The following PHACTR1 variants were observed in gnomAD, a reference collection of about 807,000 sequenced individuals.
PHACTR1 encodes RPEL repeat containing 1.
A neutral mutation model predicts 69.2 loss-of-function variants in PHACTR1; 16 were observed. That is an observed-to-expected ratio of 0.23 (90% CI 0.16 to 0.35). The LOEUF is 0.35. Ranked by LOEUF, PHACTR1 falls within the 10% of genes least tolerant of loss-of-function variation. PHACTR1 has a pLI of 1.00. For synonymous variants in PHACTR1, 312 were observed against 284.5 expected (o/e 1.10, Z -0.97); for missense variants, 510 against 734.7 (o/e 0.69, Z 3.54).
At chr6:12,868,721 A>C (rs1781726862) in intron 4 of PHACTR1, among the ~76,000 whole-genome samples, 1 of 152,202 alleles carries the variant, frequency 6.6e-6, no homozygotes, top group South Asian at 2.1e-4. Context: ...GCCTTTCCCC[A>C]GAGGATCATA....
chr6:13,014,263 C>T (rs564832890), intron 4 of PHACTR1, among the ~76,000 whole-genome samples: 3 of 152,272 alleles, frequency 2.0e-5, no homozygotes, highest in East Asian at 3.9e-4. Flanking sequence ...GACATCCGCA[C>T]TCCACCCAGA....
At chr6:12,923,493 A>G (rs1173666970) in intron 4 of PHACTR1, among the ~76,000 whole-genome samples, 1 of 152,238 alleles carries the variant, frequency 6.6e-6, no homozygotes, top group African/African-American at 2.4e-5. Context: ...CTTCTGCAGC[A>G]TGATCCAAAA....
chr6:13,284,543 A>AAAATATATAT lies in PHACTR1; in HGVS notation c.1650+982_1650+983insAATATATATA, dbSNP rs1554187813. 8.1e-5 allele frequency among the ~76,000 whole-genome samples: 5 copies of AAAATATATAT among 61,354 alleles called. 1 individual carries two copies. The highest frequency in any genetic ancestry group is 4.3e-4 in the African/African-American group (4 of 9,400). 40.3% of individuals were successfully genotyped at this position (61,354 alleles called of 152,430 possible). A position where few individuals can be genotyped will look rare whatever the true frequency, so the allele number is the denominator to read the frequency against. On this transcript the variant is annotated intron_variant, in intron 13 of 14. Coordinates refer to ENST00000332995, the MANE Select transcript of PHACTR1 (RefSeq NM_030948.6). ...AAAAAAAAAAAAAAAAAAAAAAAAA[A>AAAATATATAT]ATATATATATATATATATATATATA... is the stretch of plus-strand genomic sequence containing the variant.
intron 4 of PHACTR1, among the ~76,000 whole-genome samples, chr6:12,799,472 A>G (rs1262220232): frequency 1.3e-5 from 2 of 152,238 alleles, no homozygotes; most frequent in East Asian, 1.9e-4. Context: ...TCTTCCTGCT[A>G]TAATGAAAAA....
intron 3 of PHACTR1, among the ~76,000 whole-genome samples, chr6:12,723,677 G>A (rs1762424328): frequency 6.6e-6 from 1 of 151,924 alleles, no homozygotes; most frequent in African/African-American, 2.4e-5. Flanking sequence ...TTTACAGACA[G>A]AATCTTGCTA....
chr6:13,081,616 G>A (rs1039850613), intron 5 of PHACTR1, among the ~76,000 whole-genome samples: 1 of 152,090 alleles, frequency 6.6e-6, no homozygotes, highest in Non-Finnish European at 1.5e-5. Flanking sequence ...TAGGCTAGAA[G>A]TTCGAGACTA....
At chr6:12,910,533 C>A (rs1786268722) in intron 4 of PHACTR1, among the ~76,000 whole-genome samples, 1 of 152,048 alleles carries the variant, frequency 6.6e-6, no homozygotes, top group Admixed American at 6.6e-5. Flanking sequence ...ACAGGCTTTA[C>A]CAAGTGAAAA....
At chr6:13,165,404 C>T (rs184870473) in intron 6 of PHACTR1, among the ~76,000 whole-genome samples, 15 of 152,244 alleles carry the variant, frequency 9.9e-5, no homozygotes, top group East Asian at 3.9e-4. Context: ...CCTTGGCTCC[C>T]GGGCTATGTA....
intron 5 of PHACTR1, among the ~76,000 whole-genome samples, chr6:13,148,898 G>C (rs1196331583): frequency 6.6e-6 from 1 of 152,200 alleles, no homozygotes; most frequent in African/African-American, 2.4e-5. Context: ...GAGCTCATTG[G>C]AATGCAGGTC....
intron 5 of PHACTR1, among the ~76,000 whole-genome samples, chr6:13,132,550 G>A (rs935500112): frequency 1.3e-5 from 2 of 152,140 alleles, no homozygotes; most frequent in African/African-American, 4.8e-5. Flanking sequence ...AGAGACCACT[G>A]AGATGTTGCA....
intron 4 of PHACTR1, among the ~76,000 whole-genome samples, chr6:12,996,792 A>G (rs1241929952): frequency 6.6e-6 from 1 of 152,262 alleles, no homozygotes; most frequent in Non-Finnish European, 1.5e-5. Context: ...AATCTAATTT[A>G]TGAACGTAAA....
intron 7 of PHACTR1, among the ~76,000 whole-genome samples, chr6:13,183,869 A>C (rs1762499303): frequency 1.3e-5 from 2 of 152,190 alleles, no homozygotes; most frequent in Admixed American, 1.3e-4. Flanking sequence ...GTCATCAGCC[A>C]AGCTACCGGC....
chr6:12,991,934 T>C (rs1796866978), intron 4 of PHACTR1, among the ~76,000 whole-genome samples: 1 of 152,046 alleles, frequency 6.6e-6, no homozygotes, highest in South Asian at 2.1e-4. Context: ...ATAAGTATGT[T>C]TCTGTGTCTT....
At chr6:12,793,884 A>G (rs1362606705) in intron 4 of PHACTR1, among the ~76,000 whole-genome samples, 1 of 152,196 alleles carries the variant, frequency 6.6e-6, no homozygotes, top group Non-Finnish European at 1.5e-5. Context: ...GAGTGAGAGT[A>G]TAGTGTGAAT....
intron 5 of PHACTR1, among the ~76,000 whole-genome samples, chr6:13,094,723 A>G (rs769100231): frequency 6.6e-6 from 1 of 152,212 alleles, no homozygotes; most frequent in Non-Finnish European, 1.5e-5. Flanking sequence ...TTATACTACA[A>G]TCTTTTGATG....
At chr6:12,953,485 G>T (rs944309749) in intron 4 of PHACTR1, among the ~76,000 whole-genome samples, 3 of 152,144 alleles carry the variant, frequency 2.0e-5, no homozygotes, top group Non-Finnish European at 2.9e-5. Flanking sequence ...GCCTTAGCCT[G>T]TTTGCAAATA....
Position 12,735,506 on chromosome 6 carries a change from G to C in PHACTR1, c.104-14138G>C, listed in dbSNP as rs147601212. Among the ~76,000 whole-genome samples the C allele has an allele frequency of 2.6e-3, 400 of 152,290 alleles. 1 individual carries two copies. Among genetic ancestry groups the C allele is most frequent in the Non-Finnish European group, 4.9e-3 (331 of 68,026 alleles). ...AATTTCAAAAGAAAGAGGGAGCATA[G>C]CTCATACACCTAAACAGTTTTTGTT... is the stretch of plus-strand genomic sequence containing the variant. On this transcript the variant is annotated intron_variant, in intron 3 of 14. Transcript: ENST00000332995.
chr6:13,281,564 A>G lies in PHACTR1; in HGVS notation c.1510-1858A>G, dbSNP rs750356780. 5.7e-5 allele frequency: 11 copies of G among 191,988 alleles called. No homozygotes were observed. In the South Asian group the frequency reaches 7.1e-4, roughly 12 times the overall value. The allele number at this position is 191,988 out of a possible 1,614,324, so 11.9% of individuals were successfully genotyped here. On this transcript the variant is annotated intron_variant, in intron 12 of 14. Transcript: ENST00000332995. The stretch of plus-strand genomic sequence containing the variant: ...AGAGTGAGACTCCGTCTAAAAAAAG[A>G]AAAATGAAGAAAAGAAAATAACACT...
chr6:13,071,124 C>T (rs534919561), intron 5 of PHACTR1, among the ~76,000 whole-genome samples: 10 of 152,106 alleles, frequency 6.6e-5, no homozygotes, highest in South Asian at 4.1e-4. Flanking sequence ...TTAATGTCAT[C>T]GCATGAATGA....
Sources: allele counts gnomAD v4.1 joint callset (sites outside exome capture counted in the v4.1 genomes callset), GRCh38; gene constraint gnomAD v4.1.1; transcripts MANE v1.5; gene names NCBI Gene and HGNC (gene_info 2026-07-23, HGNC 2026-07-21).